KDM4C: variants seen among roughly 807,000 people sequenced by gnomAD.
KDM4C encodes the protein lysine demethylase 4C, also known as lysine-specific demethylase 4C.
KDM4C carries 81 observed loss-of-function variants against 129.3 expected under a neutral mutation model. The ratio of observed to expected loss-of-function variants is 0.63; its 90% CI spans 0.52 to 0.75. The LOEUF (loss-of-function observed/expected upper bound fraction) is 0.75, where lower values mean the gene tolerates loss of function less well. Among genes scored for constraint, KDM4C ranks in the 30% least tolerant of loss-of-function variants. KDM4C has a pLI of 0.00. For synonymous variants in KDM4C, 573 were observed against 456.1 expected (o/e 1.26, Z -3.26); for missense variants, 1,457 against 1,304.0 (o/e 1.12, Z -1.81).
intron 17 of KDM4C, among the ~76,000 whole-genome samples, chr9:7,052,566 A>G (rs1830292124): frequency 6.6e-6 from 1 of 152,202 alleles, no homozygotes; most frequent in South Asian, 2.1e-4. Flanking sequence ...GCAAGGCATT[A>G]CTTTACTTAT....
chr9:7,016,413 C>T (rs986735690), intron 15 of KDM4C, among the ~76,000 whole-genome samples: 3 of 147,496 alleles, frequency 2.0e-5, no homozygotes, highest in African/African-American at 7.5e-5. Flanking sequence ...AGGCGGGAGC[C>T]ACTGTTCCTG....
chr9:7,006,380 A>G (rs1821674440), intron 12 of KDM4C, among the ~76,000 whole-genome samples: 1 of 152,126 alleles, frequency 6.6e-6, no homozygotes, highest in Admixed American at 6.5e-5. Context: ...TCATTGCTTG[A>G]GCATCAGAGG....
In KDM4C at chr9:6,781,523, C is replaced by T. The variant is rs112759433; in HGVS notation, c.-17-11449C>T. On this transcript the variant is annotated intron_variant, in intron 1 of 21. Transcript: ENST00000381309. ...TTGTCATAAGCCATATAGCTATAGCCATAAACCATGGTATTCTTGTACTTA... is the reference window on the plus strand; with the variant it reads ...TTGTCATAAGCCATATAGCTATAGCTATAAACCATGGTATTCTTGTACTTA... 3.0e-3 allele frequency among the ~76,000 whole-genome samples: 451 copies of T among 152,180 alleles called. 1 individual carries two copies. The highest frequency in any genetic ancestry group is 0.011 in the Admixed American group (166 of 15,258).
intron 14 of KDM4C, among the ~76,000 whole-genome samples, chr9:7,014,499 C>G (rs1823290194): frequency 6.6e-6 from 1 of 151,892 alleles, no homozygotes; most frequent in Non-Finnish European, 1.5e-5. Context: ...GTTGTTTTAC[C>G]CCTGCACTGG....
At position 6,803,729 on chromosome 9, in the gene KDM4C, G is replaced by A. The variant is rs551825341; in HGVS notation, c.145-1870G>A. ...TTGAGACCAGCCTGGGCAACATGGC[G>A]AAACCCCATCTGTAACAAAAAGAAA... On this transcript the variant is annotated intron_variant, in intron 2 of 21. Coordinates refer to ENST00000381309, the MANE Select transcript of KDM4C (RefSeq NM_015061.6). 4.8e-3 allele frequency among the ~76,000 whole-genome samples: 695 copies of A among 144,632 alleles called. 2 individuals are homozygous for A. Among genetic ancestry groups the A allele is most frequent in the Middle Eastern group, 0.014 (4 of 286 alleles). The allele number at this position is 144,632 out of a possible 152,430, so 94.9% of individuals were successfully genotyped here. A position where few individuals can be genotyped will look rare whatever the true frequency, so the allele number is the denominator to read the frequency against.
At chr9:6,837,933 C>G (rs1836189493) in intron 4 of KDM4C, among the ~76,000 whole-genome samples, 1 of 152,144 alleles carries the variant, frequency 6.6e-6, no homozygotes, top group African/African-American at 2.4e-5. Context: ...ATTCTATCCT[C>G]AGTATTGCTT....
At position 6,952,377 on chromosome 9, in the gene KDM4C, C is replaced by G. The variant is rs188186567; in HGVS notation, c.922-28548C>G. Among the ~76,000 whole-genome samples, 4 of 149,898 alleles carry G rather than the reference C, an allele frequency of 2.7e-5. No individual in the cohort carries two copies. The East Asian group carries it at 7.8e-4, about 29-fold the overall frequency. On this transcript the variant is annotated intron_variant, in intron 8 of 21. Coordinates refer to ENST00000381309, the MANE Select transcript of KDM4C (RefSeq NM_015061.6). ...AGTAATGTTGTTAGGCCAATACTTACTGATATGGGAAATTGTTCACAGTGT... is the reference window on the plus strand; with the variant it reads ...AGTAATGTTGTTAGGCCAATACTTAGTGATATGGGAAATTGTTCACAGTGT...
chr9:7,009,173 G>A (rs897625262), intron 12 of KDM4C, among the ~76,000 whole-genome samples: 2 of 152,204 alleles, frequency 1.3e-5, no homozygotes, highest in South Asian at 2.1e-4. Context: ...AACAAGTTGA[G>A]AATTTCAACA....
Position 7,041,561 on chromosome 9 carries a change from T to G in KDM4C, c.2260-5301T>G, listed in dbSNP as rs115777540. Among the ~76,000 whole-genome samples, 874 of 152,106 alleles carry G rather than the reference T, an allele frequency of 5.7e-3. 5 individuals are homozygous for G. Among genetic ancestry groups the G allele is most frequent in the African/African-American group, 0.02 (819 of 41,522 alleles). ...ATAAATGATTTTTTTTTGCTTTTTA[T>G]TATATCTTGTACTTTTTTGATTGTG... On this transcript the variant is annotated intron_variant, in intron 15 of 21. Coordinates refer to ENST00000381309, the MANE Select transcript of KDM4C (RefSeq NM_015061.6).
At chr9:6,784,579 G>T (rs1010077358) in intron 1 of KDM4C, among the ~76,000 whole-genome samples, 2 of 152,112 alleles carry the variant, frequency 1.3e-5, no homozygotes, top group African/African-American at 4.8e-5. Context: ...AAATCCTTTT[G>T]GTCTAGGATC....
intron 1 of KDM4C, among the ~76,000 whole-genome samples, chr9:6,751,453 A>G (rs1486786364): frequency 6.8e-6 from 1 of 147,418 alleles, no homozygotes; most frequent in African/African-American, 2.4e-5. Context: ...CTTAAAATTA[A>G]TAATAATAAT....
chr9:7,150,659 C>G (rs1378131532), intron 19 of KDM4C, among the ~76,000 whole-genome samples: 1 of 152,162 alleles, frequency 6.6e-6, no homozygotes, highest in Non-Finnish European at 1.5e-5. Context: ...GCTCTTGTGC[C>G]CACATTGCCT....
intron 2 of KDM4C, 84 bp from the exon 3 acceptor site, chr9:6,805,515 A>G (rs1053939420): frequency 1.2e-6 from 1 of 810,022 alleles, no homozygotes; most frequent in Admixed American, 3.3e-5. Flanking sequence ...GAAATTCTTC[A>G]GTTGTAGTTT....
intron 6 of KDM4C, 107 bp downstream of exon 6, chr9:6,880,168 G>A (rs931536070): frequency 1.9e-6 from 1 of 540,486 alleles, no homozygotes; most frequent in Non-Finnish European, 3.2e-6. Flanking sequence ...TACTCTGTTG[G>A]TTTTATTCTA....
intron 4 of KDM4C, among the ~76,000 whole-genome samples, chr9:6,836,464 A>C (rs1835898807): frequency 6.6e-6 from 1 of 152,214 alleles, no homozygotes; most frequent in Admixed American, 6.5e-5. Flanking sequence ...AATGATTTTG[A>C]ATATCCCAAA....
intron 20 of KDM4C, among the ~76,000 whole-genome samples, chr9:7,168,786 C>T (rs551551024): frequency 1.3e-5 from 2 of 151,966 alleles, no homozygotes; most frequent in Admixed American, 6.6e-5. Context: ...GTAAACAGGC[C>T]GGGCATGGTG....
chr9:6,824,160 G>A (rs1012092615), intron 4 of KDM4C, among the ~76,000 whole-genome samples: 1 of 152,158 alleles, frequency 6.6e-6, no homozygotes, highest in South Asian at 2.1e-4. Flanking sequence ...CAAATAGTTG[G>A]AAAATGATAA....
intron 15 of KDM4C, among the ~76,000 whole-genome samples, chr9:7,033,575 C>T (rs1313230286): frequency 6.6e-6 from 1 of 152,204 alleles, no homozygotes; most frequent in Non-Finnish European, 1.5e-5. Context: ...GGAAGCCGTC[C>T]TGTTAGGGAA....
At chr9:6,765,981 G>A (rs1248957375) in intron 1 of KDM4C, among the ~76,000 whole-genome samples, 1 of 152,058 alleles carries the variant, frequency 6.6e-6, no homozygotes, top group East Asian at 1.9e-4. Flanking sequence ...TAGAGATGGG[G>A]TTTCACCATG....
Sources: gnomAD v4.1 joint callset for allele counts (sites outside exome capture counted in the v4.1 genomes callset) on GRCh38, gnomAD v4.1.1 for gene constraint, MANE v1.5 for transcripts, NCBI Gene and HGNC (gene_info 2026-07-23, HGNC 2026-07-21) for gene names.